ZNHIT3: variants seen among roughly 807,000 people sequenced by gnomAD.
ZNHIT3 encodes zinc finger HIT domain-containing protein 3.
ZNHIT3 carries 27 observed loss-of-function variants against 19.9 expected under a neutral mutation model. The ratio of observed to expected loss-of-function variants is 1.36; its 90% CI spans 1.00 to 1.87. The LOEUF is 1.87. Ranked by LOEUF, ZNHIT3 falls within the 40% of genes most tolerant of loss-of-function variation. ZNHIT3 has a pLI of 0.00. For synonymous variants in ZNHIT3, 81 were observed against 65.7 expected (o/e 1.23, Z -1.13); for missense variants, 215 against 185.6 (o/e 1.16, Z -0.92).
At chr17:36,492,922 A>C in intron 3 of ZNHIT3, 23 bp downstream of exon 3, 1 of 1,606,704 alleles carries the variant, frequency 6.2e-7, no homozygotes, top group Non-Finnish European at 8.5e-7. Flanking sequence ...ACTTCAAACA[A>C]ATCTACAAGG....
chr17:36,496,667 G>A (rs189612240), downstream of ZNHIT3, among the ~76,000 whole-genome samples: 2 of 152,164 alleles, frequency 1.3e-5, no homozygotes, highest in African/African-American at 4.8e-5. Flanking sequence ...TTACCCTTCT[G>A]TTTAGCAGGC....
At chr17:36,492,456 C>G (rs1366289937) in intron 2 of ZNHIT3, 1 of 224,774 alleles carries the variant, frequency 4.4e-6, no homozygotes, top group Middle Eastern at 1.4e-3. Context: ...CTTCTGTTGA[C>G]TCTGTAAGTT....
At chr17:36,492,626 A>G (rs2142534917) in intron 2 of ZNHIT3, 187 bp from the exon 3 acceptor site, 1 of 607,266 alleles carries the variant, frequency 1.6e-6, no homozygotes, top group East Asian at 2.8e-5. Context: ...CTGCTTTCTC[A>G]GCCTGCTGGC....
At chr17:36,496,170 T>C (rs907300432), downstream of ZNHIT3, 11 of 1,544,500 alleles carry the variant, frequency 7.1e-6, no homozygotes, top group Non-Finnish European at 2.7e-6. Context: ...GTGGGAATAG[T>C]CTGGCAGCTG....
chr17:36,498,640 C>T, downstream of ZNHIT3: 1 of 1,434,666 alleles, frequency 7.0e-7, no homozygotes, highest in Non-Finnish European at 9.3e-7. Context: ...CTATCTTTAA[C>T]AAATCATCTT....
chr17:36,498,959 AAAC>A (rs889543904), downstream of ZNHIT3: 1 of 790,278 alleles, frequency 1.3e-6, no homozygotes, highest in African/African-American at 1.7e-5. Context: ...CAGAGAGGCT[AAAC>A]AACCTGCCCA....
chr17:36,496,176 A>C (rs1047919707), downstream of ZNHIT3: 2 of 1,557,532 alleles, frequency 1.3e-6, no homozygotes, highest in Non-Finnish European at 1.8e-6. Flanking sequence ...ATAGTCTGGC[A>C]GCTGTGTGCT....
At chr17:36,498,489 C>T, downstream of ZNHIT3, 1 of 1,614,084 alleles carries the variant, frequency 6.2e-7, no homozygotes, top group Non-Finnish European at 8.5e-7. Context: ...GCTCAGGGAA[C>T]AGGGAGCTTG....
intron 2 of ZNHIT3, chr17:36,490,413 T>G (rs1179709547): frequency 6.6e-6 from 1 of 152,224 alleles, no homozygotes; most frequent in African/African-American, 2.4e-5. Context: ...AATTTATATC[T>G]GGGTTCTCTA....
At chr17:36,498,288 G>C (rs766196541), downstream of ZNHIT3, 24 of 1,612,726 alleles carry the variant, frequency 1.5e-5, no homozygotes, top group Non-Finnish European at 2.0e-5. Context: ...TCGGATGGAC[G>C]TGACACCAGC....
At chr17:36,494,144 CAT>C in intron 4 of ZNHIT3, 138 bp downstream of exon 4, 1 of 645,552 alleles carries the variant, frequency 1.5e-6, no homozygotes, top group Non-Finnish European at 2.7e-6. Context: ...AATCTGTAAA[CAT>C]ACAGGGTTTC....
chr17:36,497,744 C>G (rs2071131064), downstream of ZNHIT3: 1 of 164,710 alleles, frequency 6.1e-6, no homozygotes, highest in Non-Finnish European at 1.3e-5. Context: ...GCCACTACGC[C>G]CAACCAATTT....
chr17:36,493,152 G>T, intron 3 of ZNHIT3: 1 of 547,936 alleles, frequency 1.8e-6, no homozygotes, highest in African/African-American at 1.9e-5. Context: ...CTGTGGTTTG[G>T]GGGTTTGCGG....
rs749986394 is a variant in ZNHIT3, at chr17:36,486,711, C to G, written c.12C>G (p.Leu4=). 4 of 1,613,878 alleles carry G rather than the reference C, an allele frequency of 2.5e-6. No individual in the cohort carries two copies. Among genetic ancestry groups the G allele is most frequent in the Admixed American group, 1.7e-5 (1 of 59,994 alleles). Residue 4 remains leucine, a synonymous_variant, in exon 1 of 5, where the codon CTC becomes CTG. Coordinates refer to ENST00000617429, the MANE Select transcript of ZNHIT3 (RefSeq NM_004773.4). The part of the protein sequence containing the change: MAS[L]KCSTVVCVIC... ...CCTTCCACAAAACCATGGCGTCGCTCAAATGTAGCACCGTCGTCTGCGTGA... is the reference window on the plus strand; with the variant it reads ...CCTTCCACAAAACCATGGCGTCGCTGAAATGTAGCACCGTCGTCTGCGTGA...
chr17:36,487,599 G>C (rs2070604877), intron 2 of ZNHIT3, among the ~76,000 whole-genome samples: 1 of 152,038 alleles, frequency 6.6e-6, no homozygotes, highest in South Asian at 2.1e-4. Context: ...TTCGAGACCA[G>C]CCTGGCCAAC....
intron 2 of ZNHIT3, among the ~76,000 whole-genome samples, 192 bp downstream of exon 2, chr17:36,487,158 G>A (rs2070585010): frequency 6.6e-6 from 1 of 152,058 alleles, no homozygotes; most frequent in Non-Finnish European, 1.5e-5. Context: ...TCCCTCTGTT[G>A]TCCCTGCCTG....
chr17:36,496,484 C>A (rs2070987964), downstream of ZNHIT3: 2 of 1,420,048 alleles, frequency 1.4e-6, no homozygotes, highest in Non-Finnish European at 2.0e-6. Flanking sequence ...AGAGCAGACG[C>A]TAAAAATGCA....
chr17:36,491,339 T>TTCCTTTTTTC (rs2070722152), intron 2 of ZNHIT3: 1 of 152,288 alleles, frequency 6.6e-6, no homozygotes, highest in South Asian at 2.1e-4. Context: ...TTTCTTTTTT[T>TTCCTTTTTTC]TCCTTTTTTC....
intron 2 of ZNHIT3, 55 bp downstream of exon 2, chr17:36,487,021 T>A: frequency 6.3e-7 from 1 of 1,598,916 alleles, no homozygotes; most frequent in South Asian, 1.1e-5. Context: ...AGCCCCCACG[T>A]CCAGCCTCCG....
Sources: allele counts gnomAD v4.1 joint callset (sites outside exome capture counted in the v4.1 genomes callset), GRCh38; gene constraint gnomAD v4.1.1; transcripts MANE v1.5; gene names NCBI Gene and HGNC (gene_info 2026-07-23, HGNC 2026-07-21).